The following ESR1 variants were observed in gnomAD, a reference collection of about 807,000 sequenced individuals.
The protein encoded by ESR1 is estrogen receptor 1, also known as estrogen receptor.
A neutral mutation model predicts 52.7 loss-of-function variants in ESR1; 12 were observed. That is an observed-to-expected ratio of 0.23 (90% CI 0.15 to 0.37). ESR1 has a LOEUF of 0.37. ESR1 is among the 10% of genes least tolerant of loss of function. ESR1 has a pLI of 1.00. For synonymous variants in ESR1, 305 were observed against 316.8 expected, an observed-to-expected ratio of 0.96 and a Z score of 0.39; for missense variants, 584 against 779.7, an observed-to-expected ratio of 0.75 and a Z score of 2.99.
At chr6:151,984,521 A>G (rs532694171) in intron 4 of ESR1, among the ~76,000 whole-genome samples, 97 of 152,232 alleles carry the variant, frequency 6.4e-4, no homozygotes, top group Non-Finnish European at 1.1e-3. Context: ...TTTACACACA[A>G]TGATTTTTCC....
chr6:151,746,117 G>A (rs1007030407), intron 2 of ESR1, among the ~76,000 whole-genome samples: 2 of 152,010 alleles, frequency 1.3e-5, no homozygotes, highest in Non-Finnish European at 1.5e-5. Context: ...TGATCTGTTG[G>A]TAGACATTTG....
At chr6:151,704,547 C>T (rs1470403114) in intron 2 of ESR1, among the ~76,000 whole-genome samples, 1 of 152,150 alleles carries the variant, frequency 6.6e-6, no homozygotes, top group Non-Finnish European at 1.5e-5. Context: ...GAGCCAACGC[C>T]CCTGGCCACA....
In ESR1 at chr6:151,691,495, T is replaced by G. The variant is rs553751479; in HGVS notation, c.-202+831T>G. On this transcript the variant is annotated intron_variant, in intron 1 of 2. Transcript: ENST00000404742. ...TCAAACAAGTCCGTAGGAGCCAACA[T>G]GATTAAAAGATTTTAAAGCAATTTA... Among the ~76,000 whole-genome samples, 13 of 152,326 alleles carry G rather than the reference T, an allele frequency of 8.5e-5. No homozygotes were observed. The South Asian group carries it at 2.5e-3, about 29-fold the overall frequency.
intron 2 of ESR1, among the ~76,000 whole-genome samples, chr6:151,735,601 G>A (rs995336346): frequency 3.3e-5 from 5 of 151,938 alleles, no homozygotes; most frequent in Non-Finnish European, 7.4e-5. Flanking sequence ...AGGGGTACAA[G>A]TGGCTTTTGG....
chr6:151,901,007 A>C (rs1796590992), intron 3 of ESR1, among the ~76,000 whole-genome samples: 1 of 152,232 alleles, frequency 6.6e-6, no homozygotes, highest in African/African-American at 2.4e-5. Context: ...TAGAACTCCC[A>C]AGAGTATATG....
In ESR1 at chr6:152,122,389, G is replaced by A. The variant is rs549219758; in HGVS notation, c.851-2877G>A. 3.3e-5 allele frequency: 54 copies of A among 1,613,434 alleles called. No homozygotes were observed. The East Asian group carries it at 6.0e-4, about 18-fold the overall frequency. On this transcript the variant is annotated intron_variant, in intron 6 of 6. Coordinates refer to the ESR1 transcript ENST00000427531. ...GGTAGTTTGGGATTGCTTATGACCC[G>A]ATCCTCCTTATGCTACCAGCACTTC... is the stretch of plus-strand genomic sequence containing the variant.
chr6:151,977,760 A>G (rs2039580208), intron 4 of ESR1, among the ~76,000 whole-genome samples: 1 of 152,156 alleles, frequency 6.6e-6, no homozygotes, highest in African/African-American at 2.4e-5. Context: ...GCACCACTGC[A>G]TTCTAGCCTG....
intron 1 of ESR1, among the ~76,000 whole-genome samples, chr6:151,816,609 A>G (rs1252272326): frequency 6.6e-6 from 1 of 152,226 alleles, no homozygotes; most frequent in East Asian, 1.9e-4. Context: ...TTTTGCCTTC[A>G]AGTGACTAAC....
chr6:151,915,131 G>T (rs1798850671), intron 3 of ESR1, among the ~76,000 whole-genome samples: 1 of 151,756 alleles, frequency 6.6e-6, no homozygotes, highest in African/African-American at 2.4e-5. Context: ...GGAGTCGGAG[G>T]TTGCAGTGAG....
intron 5 of ESR1, among the ~76,000 whole-genome samples, chr6:152,036,864 G>A (rs2128882965): frequency 6.6e-6 from 1 of 152,338 alleles, no homozygotes; most frequent in East Asian, 1.9e-4. Context: ...GCATGGGGAG[G>A]AACCCTGTTT....
chr6:151,741,303 A>G (rs76700397), intron 2 of ESR1, among the ~76,000 whole-genome samples: 21 of 152,320 alleles, frequency 1.4e-4, no homozygotes, highest in African/African-American at 4.8e-4. Flanking sequence ...TTTTAAAAAT[A>G]TAATTCATTC....
intron 4 of ESR1, among the ~76,000 whole-genome samples, chr6:152,000,870 A>G (rs2041893519): frequency 6.6e-6 from 1 of 152,150 alleles, no homozygotes; most frequent in South Asian, 2.1e-4. Context: ...TGCAATCTTG[A>G]AGACCGAATA....
intron 3 of ESR1, among the ~76,000 whole-genome samples, chr6:151,882,625 T>C: frequency 6.6e-6 from 1 of 152,176 alleles, no homozygotes; most frequent in African/African-American, 2.4e-5. Context: ...CTTTGGCGAT[T>C]ATATGTAGGT....
At chr6:152,105,773 A>ATT (rs2051058192), downstream of ESR1, among the ~76,000 whole-genome samples, 1 of 106,542 alleles carries the variant, frequency 9.4e-6, no homozygotes, top group Admixed American at 1.1e-4. Context: ...CTCAGTATGC[A>ATT]TCTTTTTTTT....
intron 1 of ESR1, among the ~76,000 whole-genome samples, chr6:151,697,236 TA>T (rs573921509): frequency 2.5e-4 from 38 of 152,208 alleles, no homozygotes; most frequent in East Asian, 1.7e-3. Context: ...GTCACACCAT[TA>T]AAAAAAATCT....
chr6:151,806,530 G>GTATGTATATATATATATATA (rs1430574846), upstream of ESR1, among the ~76,000 whole-genome samples: 7 of 96,468 alleles, frequency 7.3e-5, no homozygotes, highest in Admixed American at 7.4e-4. Context: ...TCCTTAATAT[G>GTATGTATATATATATATATA]TATATATATA....
chr6:151,877,130 C>A (rs911666444), intron 2 of ESR1, among the ~76,000 whole-genome samples: 2 of 151,132 alleles, frequency 1.3e-5, no homozygotes, highest in Admixed American at 1.3e-4. Context: ...TTTTATTATA[C>A]TTTAAGTTTT....
chr6:151,869,079 T>C (rs1331017341), intron 2 of ESR1, among the ~76,000 whole-genome samples: 2 of 103,152 alleles, frequency 1.9e-5, no homozygotes, highest in African/African-American at 7.3e-5. Context: ...GGCAGGGCAG[T>C]AAGCACAGTC....
chr6:151,686,064 A>ATTTTTTTTTTTTTTTT (rs557270210), upstream of ESR1, among the ~76,000 whole-genome samples: 37 of 114,332 alleles, frequency 3.2e-4, 1 homozygote, highest in African/African-American at 1.5e-3. Context: ...AATTAAAACA[A>ATTTTTTTTTTTTTTTT]TTTTTTTTTT....
Sources: allele counts gnomAD v4.1 joint callset (sites outside exome capture counted in the v4.1 genomes callset), GRCh38; gene constraint gnomAD v4.1.1; transcripts MANE v1.5; gene names NCBI Gene and HGNC (gene_info 2026-07-23, HGNC 2026-07-21).